The following HMCN1 variants were observed in gnomAD, a reference collection of about 807,000 sequenced individuals.
The protein encoded by HMCN1 is hemicentin-1.
HMCN1 carries 321 observed loss-of-function variants against 625.9 expected under a neutral mutation model. That is an observed-to-expected ratio of 0.51 (90% CI 0.47 to 0.56). The LOEUF (loss-of-function observed/expected upper bound fraction) is 0.56, where lower values mean the gene tolerates loss of function less well. HMCN1 is among the 20% of genes least tolerant of loss of function. The pLI is 0.00. For missense variants in HMCN1, 6,588 were observed against 6,887.3 expected, an observed-to-expected ratio of 0.96 and a Z score of 1.54; for synonymous variants, 2,425 against 2,417.6, an observed-to-expected ratio of 1.00 and a Z score of -0.09.
chr1:185,921,999 A>G (rs1309700099), intron 6 of HMCN1, among the ~76,000 whole-genome samples: 2 of 152,324 alleles, frequency 1.3e-5, no homozygotes, highest in Non-Finnish European at 2.9e-5. Flanking sequence ...ACCTGGATGT[A>G]TTTGTGGAAG....
chr1:185,899,091 G>A (rs909328127), intron 4 of HMCN1, among the ~76,000 whole-genome samples: 1 of 152,036 alleles, frequency 6.6e-6, no homozygotes, highest in Admixed American at 6.6e-5. Context: ...ACAAATTGAG[G>A]GGGAATTTTG....
intron 1 of HMCN1, among the ~76,000 whole-genome samples, chr1:185,789,297 G>C (rs910156418): frequency 6.6e-6 from 1 of 152,176 alleles, no homozygotes; most frequent in Admixed American, 6.5e-5. Flanking sequence ...TGTGTAGCTT[G>C]TCAAGTTTCA....
intron 1 of HMCN1, among the ~76,000 whole-genome samples, chr1:185,767,532 AT>A (rs1178582123): frequency 6.6e-6 from 1 of 152,230 alleles, no homozygotes; most frequent in East Asian, 1.9e-4. Context: ...CATGCAGCTG[AT>A]TTAACAGTAA....
In HMCN1 at chr1:185,963,792, C is replaced by T; in HGVS notation, c.1995C>T (p.Thr665=). The T allele has an allele frequency of 1.9e-6, 3 of 1,608,172 alleles. No individual in the cohort carries two copies. The highest frequency in any genetic ancestry group is 2.6e-6 in the Non-Finnish European group (3 of 1,175,178). Residue 665 remains threonine (T), a synonymous_variant, in exon 13 of 107, where the codon ACC becomes ACT. Transcript: ENST00000271588. ...GGTATAGGATGACCTCAGATGGTAC[C>T]TTATTTATCAAAAATGCAGCTCCCA... is the stretch of plus-strand genomic sequence containing the variant. The part of the protein sequence containing the change: ...SHRYRMTSDG[T]LFIKNAAPKD...
At chr1:185,824,392 G>T (rs1660382633) in intron 1 of HMCN1, among the ~76,000 whole-genome samples, 1 of 152,050 alleles carries the variant, frequency 6.6e-6, no homozygotes, top group African/African-American at 2.4e-5. Flanking sequence ...TCATTAATTT[G>T]TTATGTTTAC....
chr1:185,849,365 A>G (rs564244041), intron 2 of HMCN1, among the ~76,000 whole-genome samples: 46 of 152,096 alleles, frequency 3.0e-4, no homozygotes, highest in African/African-American at 1.0e-3. Context: ...ATCCTGCCCT[A>G]TTTTCTTGGC....
chr1:185,979,276 T>A (rs776543046), intron 16 of HMCN1, among the ~76,000 whole-genome samples: 1 of 151,928 alleles, frequency 6.6e-6, no homozygotes, highest in South Asian at 2.1e-4. Flanking sequence ...CCAAGTTTGA[T>A]AGGCAGGAAA....
chr1:186,041,018 C>T lies in HMCN1; in HGVS notation c.6186C>T (p.Leu2062=), dbSNP rs960090463. ...AGCGTTCTTACCATTGATAGGTTCT[C>T]TCTGGTGGTCGAATCCTAGCATTGA... The part of the protein sequence containing the change: ...VSSFSNGLQV[L]SGGRILALTS... The change falls in exon 40 of 107, where the codon CTC becomes CTT. Residue 2062 remains leucine, a synonymous_variant. Coordinates refer to ENST00000271588, the MANE Select transcript of HMCN1 (RefSeq NM_031935.3). 1 of 1,612,814 alleles carries T rather than the reference C, an allele frequency of 6.2e-7. No homozygotes were observed. The highest frequency in any genetic ancestry group is 1.3e-5 in the African/African-American group (1 of 74,856).
intron 105 of HMCN1, among the ~76,000 whole-genome samples, chr1:186,185,839 G>A (rs770595879): frequency 6.6e-6 from 1 of 152,100 alleles, no homozygotes; most frequent in African/African-American, 2.4e-5. Flanking sequence ...TGACCGTCAG[G>A]ACCCACCTGT....
intron 97 of HMCN1, among the ~76,000 whole-genome samples, chr1:186,163,163 G>A (rs1651630797): frequency 6.6e-6 from 1 of 152,200 alleles, no homozygotes; most frequent in Non-Finnish European, 1.5e-5. Context: ...ATCTCAGACT[G>A]CTGTGCTAGC....
intron 39 of HMCN1, among the ~76,000 whole-genome samples, chr1:186,040,407 T>C (rs1274284803): frequency 1.3e-5 from 2 of 152,108 alleles, no homozygotes; most frequent in East Asian, 1.9e-4. Context: ...ATTAAAAATA[T>C]AGAAATGCGT....
intron 102 of HMCN1, among the ~76,000 whole-genome samples, chr1:186,172,632 A>G (rs1448312195): frequency 6.6e-6 from 1 of 152,342 alleles, no homozygotes; most frequent in Non-Finnish European, 1.5e-5. Context: ...AAGGTACATT[A>G]TAGTTCTCCC....
intron 1 of HMCN1, among the ~76,000 whole-genome samples, chr1:185,782,254 T>C (rs1490833011): frequency 6.6e-6 from 1 of 152,232 alleles, no homozygotes; most frequent in Non-Finnish European, 1.5e-5. Context: ...GCACGTGAGA[T>C]GGGTCTCCTG....
At chr1:185,947,415 C>T (rs1211092235) in intron 11 of HMCN1, among the ~76,000 whole-genome samples, 1 of 152,146 alleles carries the variant, frequency 6.6e-6, no homozygotes, top group African/African-American at 2.4e-5. Context: ...GACAGTACAG[C>T]TCTAGTCTTC....
rs1008559442 is a variant in HMCN1, at chr1:185,953,034, A to G, written c.1829-9484A>G. On this transcript the variant is annotated intron_variant, in intron 11 of 106. Transcript: ENST00000271588. ...AGGGATTGGGGGGTTTTTGCCCCCT[A>G]GAAAAGCGGGACTTGCCACTAAGGG... is the stretch of plus-strand genomic sequence containing the variant. Among the ~76,000 whole-genome samples, 6 of 151,352 alleles carry G rather than the reference A, an allele frequency of 4.0e-5. 1 individual carries two copies. The highest frequency in any genetic ancestry group is 1.5e-4 in the African/African-American group (6 of 40,896).
intron 1 of HMCN1, among the ~76,000 whole-genome samples, chr1:185,760,534 A>G (rs370659403): frequency 2.2e-4 from 33 of 152,280 alleles, no homozygotes; most frequent in Middle Eastern, 3.4e-3. Flanking sequence ...AAATTTATTC[A>G]TTAAATATTT....
At chr1:185,817,994 A>G (rs2102261560) in intron 1 of HMCN1, among the ~76,000 whole-genome samples, 1 of 152,130 alleles carries the variant, frequency 6.6e-6, no homozygotes, top group East Asian at 1.9e-4. Flanking sequence ...CCAACTGTCC[A>G]TCTCCTGCAT....
chr1:185,801,041 T>C (rs1159979229), intron 1 of HMCN1, among the ~76,000 whole-genome samples: 1 of 152,128 alleles, frequency 6.6e-6, no homozygotes, highest in East Asian at 1.9e-4. Flanking sequence ...AACAAAACTT[T>C]GACAATGAAC....
At chr1:185,982,416 C>T in intron 18 of HMCN1, 27 bp downstream of exon 18, 1 of 1,575,388 alleles carries the variant, frequency 6.3e-7, no homozygotes, top group Non-Finnish European at 8.7e-7. Flanking sequence ...TGCATGCATT[C>T]ACATTCTTTT....
Sources: allele counts gnomAD v4.1 joint callset (sites outside exome capture counted in the v4.1 genomes callset), GRCh38; gene constraint gnomAD v4.1.1; transcripts MANE v1.5; gene names NCBI Gene and HGNC (gene_info 2026-07-23, HGNC 2026-07-21).